The following PKP1 variants were observed in gnomAD, a reference collection of about 807,000 sequenced individuals.
PKP1 encodes the protein plakophilin 1.
In PKP1, 27 loss-of-function variants were observed where a neutral mutation model predicts 76.4. The observed-to-expected ratio is 0.35, with a 90% CI of 0.26 to 0.49. The LOEUF (loss-of-function observed/expected upper bound fraction) is 0.49. Among genes scored for constraint, PKP1 ranks in the 20% least tolerant of loss-of-function variants. PKP1 has a pLI of 0.99. For synonymous variants in PKP1, 404 were observed against 384.2 expected, an observed-to-expected ratio of 1.05 and a Z score of -0.60; for missense variants, 964 against 955.2, an observed-to-expected ratio of 1.01 and a Z score of -0.12.
At chr1:201,303,435 T>C (rs769550694) in intron 2 of PKP1, among the ~76,000 whole-genome samples, 7 of 152,190 alleles carry the variant, frequency 4.6e-5, no homozygotes, top group Non-Finnish European at 8.8e-5. Flanking sequence ...GCTATTCCAA[T>C]GTATTTATTT....
At chr1:201,287,059 A>G (rs1291835804) in intron 1 of PKP1, among the ~76,000 whole-genome samples, 1 of 152,000 alleles carries the variant, frequency 6.6e-6, no homozygotes, top group African/African-American at 2.4e-5. Context: ...TCCTAACAAC[A>G]CCAGCACCAT....
At chr1:201,312,407 G>C (rs1476982069) in intron 2 of PKP1, among the ~76,000 whole-genome samples, 1 of 152,214 alleles carries the variant, frequency 6.6e-6, no homozygotes, top group Non-Finnish European at 1.5e-5. Flanking sequence ...CCAGACTCAA[G>C]TCCAGGTTTT....
Position 201,323,104 on chromosome 1 carries a change from T to C in PKP1, c.1595T>C (p.Leu532Pro), listed in dbSNP as rs1336027537. 6.2e-7 allele frequency: 1 copy of C among 1,614,032 alleles called. No individual in the cohort carries two copies. Among genetic ancestry groups the C allele is most frequent in the Non-Finnish European group, 8.5e-7 (1 of 1,180,006 alleles). ...LYHSDAIRTY[L>P]NLMGKSKKDA... ...CATTCAGATGCCATCCGCACCTACC[T>C]GAACCTCATGGGCAAGAGCAAGAAA... The change falls in exon 9 of 14, where the codon CTG (leucine) becomes CCG (proline). Residue 532 changes from leucine (L) to proline (P), a missense_variant. Transcript: ENST00000367324.
chr1:201,293,188 T>C (rs112160959), intron 1 of PKP1, among the ~76,000 whole-genome samples: 8 of 152,258 alleles, frequency 5.3e-5, no homozygotes, highest in African/African-American at 1.9e-4. Flanking sequence ...TCCCTTAGGG[T>C]GTCCCTGCTG....
intron 1 of PKP1, among the ~76,000 whole-genome samples, chr1:201,285,769 G>C (rs140767912): frequency 1.1e-4 from 17 of 152,372 alleles, no homozygotes; most frequent in Admixed American, 2.0e-4. Context: ...CTGTCAGCAA[G>C]AAGTGCACTT....
chr1:201,312,350 T>A (rs1022336778), intron 2 of PKP1, among the ~76,000 whole-genome samples: 6 of 152,184 alleles, frequency 3.9e-5, no homozygotes, highest in Non-Finnish European at 8.8e-5. Flanking sequence ...GAAGGCTGGC[T>A]GTGTGAGAAG....
chr1:201,324,649 T>C (rs1657054390), intron 10 of PKP1, 68 bp downstream of exon 10: 1 of 1,574,202 alleles, frequency 6.4e-7, no homozygotes, highest in South Asian at 1.1e-5. Flanking sequence ...CAAGCCTGCT[T>C]GAAGGTCATC....
rs201907116 is a variant in PKP1 at position 201,322,994 on chromosome 1, A to G, written c.1504-19A>G. On this transcript the variant is annotated intron_variant, in intron 8 of 13. Transcript: ENST00000367324. ...ACAAGGCTCCCCATTGACCCCCCTG[A>G]CCGGCTCTTTATCCTCAGAACAACA... 18 of 1,613,378 alleles carry G rather than the reference A, an allele frequency of 1.1e-5. 1 individual carries two copies. The Admixed American group carries it at 2.0e-4, about 18-fold the overall frequency.
At chr1:201,319,805 C>T (rs1490792497) in intron 6 of PKP1, 1 of 1,613,780 alleles carries the variant, frequency 6.2e-7, no homozygotes, top group Admixed American at 1.7e-5. Flanking sequence ...GGGCTTCTTC[C>T]TGTCCCACAG....
At position 201,325,123 on chromosome 1, in the gene PKP1, A is replaced by C; in HGVS notation, c.2017A>C (p.Ser673Arg). 6.2e-7 allele frequency: 1 copy of C among 1,613,640 alleles called. No individual in the cohort carries two copies. Among genetic ancestry groups the C allele is most frequent in the South Asian group, 1.1e-5 (1 of 91,060 alleles). Residue 673 changes from serine (S) to arginine (R), a missense_variant, in exon 11 of 14, where the codon AGC becomes CGC. Transcript: ENST00000367324. ...MLNNIINLCR[S>R]SASPKAAEAA... ...CAACAACATCATCAACCTGTGCCGA[A>C]GCAGGTGGGCGGGGGGTTGCTCCCA...
chr1:201,288,702 C>G (rs571303023), intron 1 of PKP1, among the ~76,000 whole-genome samples: 1 of 152,296 alleles, frequency 6.6e-6, no homozygotes, highest in African/African-American at 2.4e-5. Flanking sequence ...TGAACCCCAC[C>G]TGAACCCGTC....
Position 201,317,720 on chromosome 1 carries a change from G to C in PKP1, c.995G>C (p.Arg332Pro), listed in dbSNP as rs781540602. 25 of 1,613,818 alleles carry C rather than the reference G, an allele frequency of 1.5e-5. No individual in the cohort carries two copies. The highest frequency in any genetic ancestry group is 4.0e-5 in the African/African-American group (3 of 74,912). Residue 332 changes from arginine (R) to proline (P), a missense_variant, in exon 5 of 14, where the codon CGC becomes CCC. Physicochemically the swap from Arg to Pro is moderately radical, Grantham distance 103. Coordinates refer to ENST00000367324, the MANE Select transcript of PKP1 (RefSeq NM_001005337.3). ...KLETRRQNGI[R>P]EAVSLLRRTG... is the part of the protein sequence containing the mutation. ...GAGACCCGGAGGCAGAATGGGATCC[G>C]CGAGGCAGTCAGCCTCCTGAGGAGA...
intron 2 of PKP1, among the ~76,000 whole-genome samples, chr1:201,307,965 C>A (rs1278697658): frequency 6.6e-6 from 1 of 152,156 alleles, no homozygotes; most frequent in East Asian, 1.9e-4. Context: ...CGCTGGAGAA[C>A]CGGTTTGGCC....
chr1:201,292,815 A>G (rs778658044), intron 1 of PKP1, among the ~76,000 whole-genome samples: 16 of 152,238 alleles, frequency 1.1e-4, no homozygotes, highest in Non-Finnish European at 2.2e-4. Context: ...CCCCAAGGCC[A>G]TCACTTAACA....
intron 2 of PKP1, among the ~76,000 whole-genome samples, chr1:201,297,878 G>T (rs1231040529): frequency 6.6e-6 from 1 of 152,132 alleles, no homozygotes; most frequent in African/African-American, 2.4e-5. Flanking sequence ...GACTGAGGCT[G>T]GGTTCACTTG....
chr1:201,327,380 T>C (rs1283412156), intron 12 of PKP1, among the ~76,000 whole-genome samples: 4 of 152,266 alleles, frequency 2.6e-5, no homozygotes, highest in Non-Finnish European at 4.4e-5. Flanking sequence ...GAACGCACGG[T>C]GTCCAAAGAT....
chr1:201,311,689 C>T lies in PKP1; in HGVS notation c.307-1477C>T, dbSNP rs1656556188. 4.0e-5 allele frequency among the ~76,000 whole-genome samples: 6 copies of T among 151,278 alleles called. No individual in the cohort carries two copies. In the South Asian group the frequency reaches 1.3e-3, roughly 32 times the overall value. On this transcript the variant is annotated intron_variant, in intron 2 of 13. Transcript: ENST00000367324. ...TAACGACCTCCCCTACACACACATA[C>T]TCTCTCTCTCTCAGGGAGGGGCAGG...
At chr1:201,297,356 A>T (rs1486468094) in intron 2 of PKP1, among the ~76,000 whole-genome samples, 3 of 152,218 alleles carry the variant, frequency 2.0e-5, no homozygotes, top group Admixed American at 2.0e-4. Context: ...AGCCCCACAG[A>T]CCTCAGGGAG....
At chr1:201,319,992 T>C (rs1656887422) in intron 6 of PKP1, 11 of 1,188,774 alleles carry the variant, frequency 9.3e-6, no homozygotes, top group South Asian at 8.5e-5. Flanking sequence ...TGAGACCTCA[T>C]TTCAGCCTCA....
Sources: allele counts gnomAD v4.1 joint callset (sites outside exome capture counted in the v4.1 genomes callset), GRCh38; gene constraint gnomAD v4.1.1; transcripts MANE v1.5; gene names NCBI Gene and HGNC (gene_info 2026-07-23, HGNC 2026-07-21).